The following GADL1 variants were observed in gnomAD, a reference collection of about 807,000 sequenced individuals.
GADL1 encodes the protein acidic amino acid decarboxylase GADL1.
Under a neutral mutation model 69.5 loss-of-function variants are expected in GADL1, and 71 were observed. The observed-to-expected ratio is 1.02, with a 90% confidence interval of 0.84 to 1.25. The LOEUF (loss-of-function observed/expected upper bound fraction) is 1.25, where lower values mean the gene tolerates loss of function less well. Among genes scored for constraint, GADL1 ranks in the 50% most tolerant of loss-of-function variants. The pLI is 0.00. For missense variants in GADL1, 737 were observed against 631.8 expected (o/e 1.17, Z -1.79); for synonymous variants, 254 against 214.4 (o/e 1.18, Z -1.62).
intron 4 of GADL1, among the ~76,000 whole-genome samples, 175 bp from the exon 5 acceptor site, chr3:30,851,116 G>A (rs559931729): frequency 3.9e-5 from 6 of 152,288 alleles, no homozygotes; most frequent in African/African-American, 1.2e-4. Context: ...CACTAGTCAT[G>A]GTTAGATAAA....
intron 11 of GADL1, among the ~76,000 whole-genome samples, chr3:30,821,748 G>A (rs1179719142): frequency 3.3e-5 from 5 of 151,438 alleles, no homozygotes; most frequent in African/African-American, 1.2e-4. Context: ...TTTTTTAAAA[G>A]AGTGAATATA....
intron 6 of GADL1, among the ~76,000 whole-genome samples, chr3:30,849,488 C>G (rs926417454): frequency 9.9e-5 from 15 of 152,032 alleles, no homozygotes; most frequent in African/African-American, 3.1e-4. Flanking sequence ...GTCTGACCCA[C>G]CTACTTTAGT....
chr3:30,750,688 TAAC>T (rs747269026), intron 14 of GADL1, among the ~76,000 whole-genome samples: 5 of 152,204 alleles, frequency 3.3e-5, no homozygotes, highest in South Asian at 4.2e-4. Context: ...TTGTCAATAT[TAAC>T]AACACACGCA....
At chr3:30,782,491 T>A (rs1696687638) in intron 13 of GADL1, among the ~76,000 whole-genome samples, 1 of 152,056 alleles carries the variant, frequency 6.6e-6, no homozygotes, top group South Asian at 2.1e-4. Flanking sequence ...AAAGTAGAAT[T>A]TTGGTAAGGA....
chr3:30,810,803 C>A (rs1231791345), intron 11 of GADL1, among the ~76,000 whole-genome samples: 5 of 152,068 alleles, frequency 3.3e-5, no homozygotes, highest in African/African-American at 1.2e-4. Flanking sequence ...ACAGTAGTCT[C>A]ACAGCAAAAT....
At chr3:30,824,222 T>G (rs1697643583) in intron 11 of GADL1, among the ~76,000 whole-genome samples, 1 of 151,478 alleles carries the variant, frequency 6.6e-6, no homozygotes, top group Non-Finnish European at 1.5e-5. Context: ...ATTTTATCAT[T>G]AAAGGAATGA....
intron 11 of GADL1, among the ~76,000 whole-genome samples, chr3:30,830,097 C>A (rs1463696478): frequency 6.6e-6 from 1 of 151,822 alleles, no homozygotes; most frequent in Non-Finnish European, 1.5e-5. Flanking sequence ...TTGGAGGTCA[C>A]TCTCTGATCT....
intron 14 of GADL1, among the ~76,000 whole-genome samples, chr3:30,752,143 A>G (rs1298612132): frequency 2.0e-5 from 3 of 152,104 alleles, no homozygotes; most frequent in African/African-American, 7.2e-5. Flanking sequence ...TACTTCACTG[A>G]GAAGCTTGAG....
In GADL1 at chr3:30,783,363, G is replaced by A. The variant is rs182186236; in HGVS notation, c.1302+2992C>T. Among the ~76,000 whole-genome samples, 74 of 152,288 alleles carry A rather than the reference G, an allele frequency of 4.9e-4. No homozygotes were observed. In the East Asian group the frequency reaches 7.7e-3, roughly 16 times the overall value. ...ATAGAGATGATTTTCAGGGGCCTAT[G>A]AATAATTCAGAATTCACTTAAAATA... On this transcript the variant is annotated intron_variant, in intron 13 of 14. Coordinates refer to ENST00000282538, the MANE Select transcript of GADL1 (RefSeq NM_207359.3).
intron 1 of GADL1, among the ~76,000 whole-genome samples, chr3:30,881,859 G>A (rs75733952): frequency 0.029 from 4,335 of 151,960 alleles, 173 homozygotes; most frequent in African/African-American, 0.088. Flanking sequence ...AGCCTCATGG[G>A]TGGGGGTTGA....
rs557474027 is a variant in GADL1 at position 30,819,995 on chromosome 3, C to T, written c.1050+13858G>A. The stretch of plus-strand genomic sequence containing the variant: ...TCCTGAACATTTCTAAAAACTGATG[C>T]CTGTTATTGAAATTATTTTTTTAAA... On this transcript the variant is annotated intron_variant, in intron 11 of 14. Coordinates refer to ENST00000282538, the MANE Select transcript of GADL1 (RefSeq NM_207359.3). Among the ~76,000 whole-genome samples, 6 of 151,914 alleles carry T rather than the reference C, an allele frequency of 3.9e-5. No individual in the cohort carries two copies. In the South Asian group the frequency reaches 1.2e-3, roughly 32 times the overall value.
At chr3:30,760,143 A>G (rs1696093327) in intron 14 of GADL1, among the ~76,000 whole-genome samples, 1 of 152,170 alleles carries the variant, frequency 6.6e-6, no homozygotes, top group Non-Finnish European at 1.5e-5. Context: ...GAAAACTTGG[A>G]TGTACCAGAA....
chr3:30,793,737 T>C (rs1417674172), intron 12 of GADL1, among the ~76,000 whole-genome samples: 1 of 152,208 alleles, frequency 6.6e-6, no homozygotes, highest in Non-Finnish European at 1.5e-5. Flanking sequence ...TTATTTTTCT[T>C]GTCCTTTTGC....
chr3:30,859,215 G>C (rs973221027), intron 2 of GADL1, among the ~76,000 whole-genome samples: 3 of 151,846 alleles, frequency 2.0e-5, no homozygotes, highest in African/African-American at 4.8e-5. Context: ...TAGCCAGGGA[G>C]TGAAAAGACT....
intron 14 of GADL1, among the ~76,000 whole-genome samples, chr3:30,771,020 G>A (rs944712900): frequency 2.0e-5 from 3 of 152,094 alleles, no homozygotes; most frequent in African/African-American, 4.8e-5. Context: ...TAAATACAAA[G>A]GAAAACTCAT....
chr3:30,774,830 T>TG lies in GADL1; in HGVS notation c.1392+3348dup, dbSNP rs141531359. On this transcript the variant is annotated intron_variant, in intron 14 of 14. Transcript: ENST00000282538. ...GACCGGGTTGAGAACTGTTGCTATA[T>TG]GGGACTAGGGAACAGGAAGCAAGTC... Among the ~76,000 whole-genome samples, 2,912 of 152,118 alleles carry TG rather than the reference T, an allele frequency of 0.019. 261 individuals are homozygous for TG. The East Asian group carries it at 0.31, about 16-fold the overall frequency.
Position 30,763,593 on chromosome 3 carries a change from A to G in GADL1, c.1392+14586T>C, listed in dbSNP as rs1292787576. Among the ~76,000 whole-genome samples the G allele has an allele frequency of 2.0e-5, 3 of 152,016 alleles. No individual in the cohort carries two copies. In the East Asian group the frequency reaches 5.8e-4, roughly 29 times the overall value. On this transcript the variant is annotated intron_variant, in intron 14 of 14. Transcript: ENST00000282538. ...ATCACCACTTAGCCAAATCTACCTT[A>G]AATATGCTCAGACTTAGATGATTTT...
At chr3:30,753,735 AAACTT>A (rs1455483843) in intron 14 of GADL1, among the ~76,000 whole-genome samples, 2 of 150,348 alleles carry the variant, frequency 1.3e-5, no homozygotes, top group African/African-American at 2.5e-5. Context: ...CAATAAATGA[AAACTT>A]AATTTGCTTT....
intron 2 of GADL1, among the ~76,000 whole-genome samples, chr3:30,859,980 T>A (rs1417268273): frequency 6.6e-6 from 1 of 151,876 alleles, no homozygotes; most frequent in African/African-American, 2.4e-5. Context: ...AGCTCTTTTT[T>A]TCTGGGCAAA....
Sources: allele counts gnomAD v4.1 joint callset (sites outside exome capture counted in the v4.1 genomes callset), GRCh38; gene constraint gnomAD v4.1.1; transcripts MANE v1.5; gene names NCBI Gene and HGNC (gene_info 2026-07-23, HGNC 2026-07-21).